CCDC7: variants seen among roughly 807,000 people sequenced by gnomAD.
CCDC7 encodes coiled-coil domain containing 7.
A neutral mutation model predicts 196.9 loss-of-function variants in CCDC7; 183 were observed. That is an observed-to-expected ratio of 0.93 (90% CI 0.82 to 1.05). The LOEUF is 1.05. Among genes scored for constraint, CCDC7 ranks in the 50% least tolerant of loss-of-function variants. The pLI is 0.00. For synonymous variants in CCDC7, 525 were observed against 484.6 expected (o/e 1.08, Z -1.10); for missense variants, 1,540 against 1,482.2 (o/e 1.04, Z -0.64).
chr10:32,678,148 A>G (rs1310638176), intron 21 of CCDC7, among the ~76,000 whole-genome samples: 1 of 151,708 alleles, frequency 6.6e-6, no homozygotes, highest in African/African-American at 2.4e-5. Flanking sequence ...GTCTAGCTGT[A>G]TTCTATTTTA....
intron 21 of CCDC7, among the ~76,000 whole-genome samples, chr10:32,684,185 A>C (rs982184032): frequency 6.6e-6 from 1 of 152,094 alleles, no homozygotes; most frequent in Non-Finnish European, 1.5e-5. Flanking sequence ...CAGTCTGTCC[A>C]CATTTCAGTA....
chr10:32,524,476 T>A (rs1399192568), intron 11 of CCDC7, among the ~76,000 whole-genome samples: 1 of 152,222 alleles, frequency 6.6e-6, no homozygotes. Context: ...CCAGTGAGTT[T>A]TGTACCTTCA....
At chr10:32,593,647 G>A (rs928657650) in intron 18 of CCDC7, among the ~76,000 whole-genome samples, 4 of 152,148 alleles carry the variant, frequency 2.6e-5, no homozygotes, top group Non-Finnish European at 5.9e-5. Context: ...GAATGGTATT[G>A]CCTAGGTTTT....
At chr10:32,444,729 T>A (rs2030572851), upstream of CCDC7, among the ~76,000 whole-genome samples, 1 of 151,954 alleles carries the variant, frequency 6.6e-6, no homozygotes, top group Non-Finnish European at 1.5e-5. Context: ...TTGCCAACTT[T>A]AAAAAATAAA....
chr10:32,810,162 A>G (rs2135307639), intron 30 of CCDC7, among the ~76,000 whole-genome samples: 2 of 152,292 alleles, frequency 1.3e-5, no homozygotes, highest in East Asian at 3.9e-4. Context: ...ACCAGAAAAT[A>G]AGAAAACAAT....
At chr10:32,854,647 A>AAT (rs2093683470) in intron 41 of CCDC7, among the ~76,000 whole-genome samples, 158 bp downstream of exon 42, 1 of 152,210 alleles carries the variant, frequency 6.6e-6, no homozygotes, top group Non-Finnish European at 1.5e-5. Context: ...AACAAGTAAA[A>AAT]ATATATATGT....
chr10:32,577,873 A>G (rs1464891751), intron 16 of CCDC7, among the ~76,000 whole-genome samples: 1 of 152,216 alleles, frequency 6.6e-6, no homozygotes, highest in East Asian at 1.9e-4. Flanking sequence ...GTCGGGTTGA[A>G]GAGTGAGAAA....
rs1355085318 is a variant in CCDC7, at chr10:32,640,895, T to C, written c.2014+5737T>C. 5.1e-5 allele frequency among the ~76,000 whole-genome samples: 7 copies of C among 136,018 alleles called. No individual in the cohort carries two copies. The South Asian group carries it at 1.7e-3, about 32-fold the overall frequency. The allele number at this position is 136,018 out of a possible 152,430, so 89.2% of individuals were successfully genotyped here. On this transcript the variant is annotated intron_variant, in intron 20 of 41. Transcript: ENST00000639629. Reference sequence around the variant, plus strand: ...TTTTTTCTTTTTTTTTTTATTATACTCTAAGTTTTAGGGTACATGTGCACA... The same window carrying C: ...TTTTTTCTTTTTTTTTTTATTATACCCTAAGTTTTAGGGTACATGTGCACA...
intron 24 of CCDC7, among the ~76,000 whole-genome samples, chr10:32,698,864 T>C (rs1385688336): frequency 6.6e-6 from 1 of 151,994 alleles, no homozygotes; most frequent in Non-Finnish European, 1.5e-5. Flanking sequence ...CGCCACAAAG[T>C]TACTCCTCGA....
intron 25 of CCDC7, 54 bp from the exon 27 acceptor site, chr10:32,726,680 T>G (rs1333417835): frequency 2.3e-5 from 23 of 993,944 alleles, no homozygotes; most frequent in Non-Finnish European, 3.5e-5. Flanking sequence ...CACAATAGAT[T>G]TGTTTTTTCA....
At chr10:32,522,832 T>C (rs2048079068) in intron 11 of CCDC7, among the ~76,000 whole-genome samples, 1 of 152,182 alleles carries the variant, frequency 6.6e-6, no homozygotes, top group Admixed American at 6.5e-5. Context: ...GTTTTTGCTG[T>C]ATCCCATAGG....
chr10:32,670,703 C>T (rs1230084455), intron 21 of CCDC7, among the ~76,000 whole-genome samples: 1 of 152,004 alleles, frequency 6.6e-6, no homozygotes, highest in Non-Finnish European at 1.5e-5. Context: ...CATCCATGTC[C>T]CTACAAAGGA....
At chr10:32,525,552 C>T (rs920279694) in intron 11 of CCDC7, among the ~76,000 whole-genome samples, 1 of 152,132 alleles carries the variant, frequency 6.6e-6, no homozygotes, top group Non-Finnish European at 1.5e-5. Flanking sequence ...GTTCTTCATG[C>T]CTTATTTGGT....
intron 18 of CCDC7, among the ~76,000 whole-genome samples, chr10:32,611,145 G>T (rs1232846350): frequency 6.6e-6 from 1 of 152,122 alleles, no homozygotes; most frequent in African/African-American, 2.4e-5. Context: ...TCTCATTGTG[G>T]TTTTGATTTG....
At chr10:32,746,046 G>C (rs1413249479) in intron 28 of CCDC7, among the ~76,000 whole-genome samples, 2 of 152,094 alleles carry the variant, frequency 1.3e-5, no homozygotes, top group African/African-American at 2.4e-5. Context: ...ATTGACTTTT[G>C]AGGAGAAGAC....
chr10:32,452,304 A>G (rs1050906531), intron 1 of CCDC7, among the ~76,000 whole-genome samples: 3 of 152,206 alleles, frequency 2.0e-5, no homozygotes, highest in African/African-American at 7.2e-5. Context: ...TGTTATACAA[A>G]CAGTTTAGGG....
At chr10:32,559,392 A>T (rs1253905243) in intron 13 of CCDC7, among the ~76,000 whole-genome samples, 2 of 152,178 alleles carry the variant, frequency 1.3e-5, no homozygotes, top group Admixed American at 1.3e-4. Flanking sequence ...CTGACCCCTG[A>T]CCCCAGAGCA....
chr10:32,806,886 A>G (rs186078547), intron 30 of CCDC7, among the ~76,000 whole-genome samples: 26 of 152,288 alleles, frequency 1.7e-4, no homozygotes, highest in African/African-American at 6.3e-4. Flanking sequence ...AAAACAATGC[A>G]TGATGTAAAA....
intron 9 of CCDC7, among the ~76,000 whole-genome samples, chr10:32,502,854 C>G (rs1019616279): frequency 2.4e-4 from 36 of 152,112 alleles, no homozygotes; most frequent in African/African-American, 8.7e-4. Flanking sequence ...GTTTTCAGTG[C>G]AAAAGATCTT....
Sources: allele counts gnomAD v4.1 joint callset (sites outside exome capture counted in the v4.1 genomes callset), GRCh38; gene constraint gnomAD v4.1.1; transcripts MANE v1.5; gene names NCBI Gene and HGNC (gene_info 2026-07-23, HGNC 2026-07-21).